ZNF512: variants seen among roughly 807,000 people sequenced by gnomAD.
ZNF512 encodes zinc finger protein 512.
Under a neutral mutation model 77.5 loss-of-function variants are expected in ZNF512, and 25 were observed. The ratio of observed to expected loss-of-function variants is 0.32; its 90% CI spans 0.23 to 0.45. The LOEUF (loss-of-function observed/expected upper bound fraction) is 0.45, where lower values mean the gene tolerates loss of function less well. Ranked by LOEUF, ZNF512 falls within the 20% of genes least tolerant of loss-of-function variation. The pLI is 1.00. For synonymous variants in ZNF512, 246 were observed against 239.9 expected (o/e 1.03, Z -0.24); for missense variants, 483 against 692.6 (o/e 0.70, Z 3.40).
rs936929311 is a variant in ZNF512 at position 27,622,978 on chromosome 2, C to T, written c.*1517C>T. On this transcript the variant is annotated 3_prime_UTR_variant, in exon 14 of 14. Coordinates refer to ENST00000355467, the MANE Select transcript of ZNF512 (RefSeq NM_032434.4). ...TTTCATTGGCAGTGTGCCCTTAAAG[C>T]CCTTTCAGTAGATGAGGGTTGTCAG... is the stretch of plus-strand genomic sequence containing the variant. 2.0e-5 allele frequency: 3 copies of T among 152,730 alleles called. No individual in the cohort carries two copies. Among genetic ancestry groups the T allele is most frequent in the African/African-American group, 7.2e-5 (3 of 41,436 alleles). The allele number at this position is 152,730 out of a possible 1,614,324, so 9.5% of individuals were successfully genotyped here.
chr2:27,621,098 T>G, intron 13 of ZNF512, 55 bp from the exon 14 acceptor site: 1 of 1,564,922 alleles, frequency 6.4e-7, no homozygotes, highest in Non-Finnish European at 8.6e-7. Flanking sequence ...TCCACCTTTC[T>G]TTATGTTCTT....
chr2:27,599,847 C>A, intron 4 of ZNF512, 123 bp from the exon 5 acceptor site: 1 of 1,244,484 alleles, frequency 8.0e-7, no homozygotes, highest in Non-Finnish European at 1.2e-6. Context: ...TTCATTCTGT[C>A]CTGACTTAGG....
intron 2 of ZNF512, among the ~76,000 whole-genome samples, chr2:27,590,372 C>T (rs1478618356): frequency 6.6e-6 from 1 of 152,102 alleles, no homozygotes; most frequent in East Asian, 1.9e-4. Context: ...ATAGTCATTC[C>T]AGCCTTATGT....
intron 4 of ZNF512, 114 bp from the exon 5 acceptor site, chr2:27,599,856 G>A: frequency 1.7e-6 from 2 of 1,201,750 alleles, no homozygotes; most frequent in African/African-American, 3.0e-5. Context: ...TCCTGACTTA[G>A]GCAGTCAGTC....
chr2:27,605,668 T>G (rs1672323688), intron 9 of ZNF512, among the ~76,000 whole-genome samples: 1 of 151,848 alleles, frequency 6.6e-6, no homozygotes, highest in Non-Finnish European at 1.5e-5. Flanking sequence ...TAGAGATGGG[T>G]GTTCGCCATG....
intron 9 of ZNF512, among the ~76,000 whole-genome samples, chr2:27,607,555 ACAGGGTTTCAC>A (rs1672427178): frequency 6.6e-6 from 1 of 152,088 alleles, no homozygotes; most frequent in African/African-American, 2.4e-5. Flanking sequence ...TTTAGTAGAG[ACAGGGTTTCAC>A]CATGTTAGCC....
chr2:27,616,356 A>G (rs1453585977), intron 12 of ZNF512, 32 bp downstream of exon 12: 6 of 1,546,076 alleles, frequency 3.9e-6, no homozygotes. Context: ...CTATCTTAAC[A>G]TGTCCTCTAA....
At chr2:27,613,949 CTATG>C (rs1039858694) in intron 10 of ZNF512, among the ~76,000 whole-genome samples, 7 of 151,760 alleles carry the variant, frequency 4.6e-5, no homozygotes, top group African/African-American at 7.3e-5. Context: ...TTTATATAAA[CTATG>C]TACTATGGAG....
rs181643333 is a variant in ZNF512 at position 27,601,262 on chromosome 2, A to G, written c.583-94A>G. 18 of 887,870 alleles carry G rather than the reference A, an allele frequency of 2.0e-5. No homozygotes were observed. In the Admixed American group the frequency reaches 3.3e-4, roughly 16 times the overall value. 55.0% of individuals were successfully genotyped at this position (887,870 alleles called of 1,614,324 possible). A position where few individuals can be genotyped will look rare whatever the true frequency, so the allele number is the denominator to read the frequency against. On this transcript the variant is annotated intron_variant, in intron 6 of 13. Transcript: ENST00000355467. ...TTATTGACTATTGAGCTTGAGAAAT[A>G]AAGGAGACATAGATGAAAGCATTTG...
intron 3 of ZNF512, among the ~76,000 whole-genome samples, chr2:27,598,628 C>CAA (rs761293599): frequency 1.2e-4 from 9 of 73,576 alleles, no homozygotes; most frequent in East Asian, 3.7e-4. Flanking sequence ...GACTCCGTCT[C>CAA]AAAAAAAAAA....
chr2:27,601,285 T>C (rs1672103606), intron 6 of ZNF512, 71 bp from the exon 7 acceptor site: 4 of 1,111,222 alleles, frequency 3.6e-6, no homozygotes, highest in Middle Eastern at 2.0e-4. Context: ...ATGAAAGCAT[T>C]TGAGTCGGAC....
In ZNF512 at chr2:27,616,341, A is replaced by T. The variant is rs1430247504; in HGVS notation, c.1296+17A>T. 9 of 1,602,322 alleles carry T rather than the reference A, an allele frequency of 5.6e-6. No homozygotes were observed. The highest frequency in any genetic ancestry group is 2.2e-5 in the East Asian group (1 of 44,802). On this transcript the variant is annotated intron_variant, in intron 12 of 13. Coordinates refer to ENST00000355467, the MANE Select transcript of ZNF512 (RefSeq NM_032434.4). ...TGTACATTGGTTTGTAACTTTTTAA[A>T]CTTACTATCTTAACATGTCCTCTAA...
intron 2 of ZNF512, among the ~76,000 whole-genome samples, chr2:27,587,777 A>T (rs1332431273): frequency 6.6e-6 from 1 of 150,958 alleles, no homozygotes. Flanking sequence ...CGCCTCCCAG[A>T]TTCAAGCTAT....
intron 9 of ZNF512, among the ~76,000 whole-genome samples, chr2:27,606,109 AT>A (rs1672344121): frequency 6.6e-6 from 1 of 151,776 alleles, no homozygotes; most frequent in African/African-American, 2.4e-5. Flanking sequence ...CACCATGGTG[AT>A]TTGTATGTCT....
chr2:27,602,173 A>G lies in ZNF512; in HGVS notation c.670-290A>G, dbSNP rs13389306. On this transcript the variant is annotated intron_variant, in intron 7 of 13. Coordinates refer to ENST00000355467, the MANE Select transcript of ZNF512 (RefSeq NM_032434.4). ...GTGTTAGCAAGAAGACCGTTTTGAT[A>G]AAAGAGTTATGCACAATGAAACCTT... Among the ~76,000 whole-genome samples, 1,335 of 152,348 alleles carry G rather than the reference A, an allele frequency of 8.8e-3. 18 individuals are homozygous for G. Among genetic ancestry groups the G allele is most frequent in the African/African-American group, 0.029 (1,226 of 41,574 alleles).
intron 13 of ZNF512, among the ~76,000 whole-genome samples, chr2:27,618,779 G>A (rs1411402661): frequency 6.6e-6 from 1 of 152,172 alleles, no homozygotes; most frequent in African/African-American, 2.4e-5. Flanking sequence ...AGGTTTTTTA[G>A]TAATACAGGT....
At chr2:27,614,954 C>T (rs1672821063) in intron 10 of ZNF512, among the ~76,000 whole-genome samples, 1 of 151,520 alleles carries the variant, frequency 6.6e-6, no homozygotes, top group South Asian at 2.1e-4. Flanking sequence ...AGTCTCTTGT[C>T]CTCTGTTAAA....
chr2:27,610,536 A>ATGTG (rs1173871560), intron 10 of ZNF512, among the ~76,000 whole-genome samples: 3,196 of 64,670 alleles, frequency 0.049, 410 homozygotes, highest in South Asian at 0.096. Context: ...GTGTATATAT[A>ATGTG]TGTGTGTGTA....
chr2:27,594,900 G>A (rs1438839299), intron 2 of ZNF512, among the ~76,000 whole-genome samples: 2 of 152,228 alleles, frequency 1.3e-5, no homozygotes, highest in African/African-American at 2.4e-5. Flanking sequence ...AGGCGGAGGC[G>A]AGCAGATCAC....
Sources: gnomAD v4.1 joint callset for allele counts (sites outside exome capture counted in the v4.1 genomes callset) on GRCh38, gnomAD v4.1.1 for gene constraint, MANE v1.5 for transcripts, NCBI Gene and HGNC (gene_info 2026-07-23, HGNC 2026-07-21) for gene names.